The following RABGAP1L variants were observed in gnomAD, a reference collection of about 807,000 sequenced individuals.
RABGAP1L encodes RAB GTPase activating protein 1 like.
A neutral mutation model predicts 137.7 loss-of-function variants in RABGAP1L; 63 were observed. The observed-to-expected ratio is 0.46, with a 90% CI of 0.37 to 0.56. RABGAP1L has a LOEUF of 0.56. Ranked by LOEUF, RABGAP1L falls within the 20% of genes least tolerant of loss-of-function variation. The pLI is 0.00. For synonymous variants in RABGAP1L, 431 were observed against 433.7 expected (o/e 0.99, Z 0.08); for missense variants, 1,095 against 1,244.0 (o/e 0.88, Z 1.80).
At chr1:174,533,228 C>T (rs576964051) in intron 13 of RABGAP1L, among the ~76,000 whole-genome samples, 29 of 152,260 alleles carry the variant, frequency 1.9e-4, no homozygotes, top group Non-Finnish European at 3.4e-4. Context: ...AGTGAGACTC[C>T]GTCTCAAAAA....
At position 174,527,210 on chromosome 1, in the gene RABGAP1L, T is replaced by A. The variant is rs997181134; in HGVS notation, c.1711-110165T>A. Among the ~76,000 whole-genome samples the A allele has an allele frequency of 8.7e-4, 131 of 150,544 alleles. 1 individual carries two copies. Among genetic ancestry groups the A allele is most frequent in the African/African-American group, 3.1e-3 (129 of 41,182 alleles). On this transcript the variant is annotated intron_variant, in intron 13 of 25. Coordinates refer to ENST00000681986, the MANE Select transcript of RABGAP1L (RefSeq NM_001366446.1). The stretch of plus-strand genomic sequence containing the variant: ...AACATATGATTTTTATTTTGTTTTT[T>A]TTTTTTTTTTTGAGACAGAATCTCA...
In RABGAP1L at chr1:174,747,402, T is replaced by TAAA. The variant is rs35889834; in HGVS notation, c.2170-4889_2170-4887dup. ...GTGTGACAGAGTGAAATTCTATCTC[T>TAAA]AAAAAAAAAAAAAAAAAAAAAAAAC... On this transcript the variant is annotated intron_variant, in intron 17 of 25. Coordinates refer to ENST00000681986, the MANE Select transcript of RABGAP1L (RefSeq NM_001366446.1). Among the ~76,000 whole-genome samples the TAAA allele has an allele frequency of 2.4e-4, 20 of 81,928 alleles. No homozygotes were observed. In the East Asian group the frequency reaches 4.3e-3, roughly 17 times the overall value. The allele number at this position is 81,928 out of a possible 152,430, so 53.7% of individuals were successfully genotyped here.
intron 18 of RABGAP1L, among the ~76,000 whole-genome samples, chr1:174,756,003 A>T (rs1406072997): frequency 6.6e-6 from 1 of 152,250 alleles, no homozygotes; most frequent in Admixed American, 6.5e-5. Flanking sequence ...AAATGGGGGA[A>T]TATTAGTAAT....
At chr1:174,480,356 T>C (rs1175475467) in intron 13 of RABGAP1L, among the ~76,000 whole-genome samples, 1 of 152,214 alleles carries the variant, frequency 6.6e-6, no homozygotes, top group African/African-American at 2.4e-5. Flanking sequence ...TCTGCTTAAA[T>C]TTATTATCTC....
chr1:174,749,302 CT>C lies in RABGAP1L; in HGVS notation c.2170-3000del, dbSNP rs33999378. On this transcript the variant is annotated intron_variant, in intron 17 of 25. Coordinates refer to ENST00000681986, the MANE Select transcript of RABGAP1L (RefSeq NM_001366446.1). Reference sequence around the variant, plus strand: ...TCATAGGTGGATTCAAAAATGTTATCTTTTTTTTTTTCTGTTCTTTTCTTTC... The same window carrying C: ...TCATAGGTGGATTCAAAAATGTTATCTTTTTTTTTTCTGTTCTTTTCTTTC... 1.6e-3 allele frequency among the ~76,000 whole-genome samples: 240 copies of C among 147,212 alleles called. 1 individual carries two copies. Among genetic ancestry groups the C allele is most frequent in the African/African-American group, 4.7e-3 (191 of 40,430 alleles).
At chr1:174,758,495 T>C (rs1249569738) in intron 18 of RABGAP1L, among the ~76,000 whole-genome samples, 3 of 152,202 alleles carry the variant, frequency 2.0e-5, no homozygotes, top group African/African-American at 7.2e-5. Context: ...CTACTTTGTA[T>C]GCTTTTGCAT....
intron 13 of RABGAP1L, among the ~76,000 whole-genome samples, chr1:174,616,762 A>G (rs1282891114): frequency 2.6e-5 from 4 of 152,226 alleles, no homozygotes; most frequent in Non-Finnish European, 4.4e-5. Context: ...TTCAGTTTTA[A>G]ATGTGGAATG....
intron 13 of RABGAP1L, among the ~76,000 whole-genome samples, chr1:174,618,805 G>T (rs987195821): frequency 6.6e-6 from 1 of 152,126 alleles, no homozygotes; most frequent in African/African-American, 2.4e-5. Flanking sequence ...ACTTTGACGA[G>T]TTGAGAGAAG....
intron 13 of RABGAP1L, among the ~76,000 whole-genome samples, chr1:174,587,360 G>A (rs1341152773): frequency 6.6e-6 from 1 of 151,326 alleles, no homozygotes; most frequent in Non-Finnish European, 1.5e-5. Flanking sequence ...GAGTTAGTGG[G>A]TGCAGTGCAC....
At chr1:174,900,780 A>G (rs1046937347) in intron 19 of RABGAP1L, among the ~76,000 whole-genome samples, 13 of 152,058 alleles carry the variant, frequency 8.5e-5, no homozygotes, top group Non-Finnish European at 1.5e-4. Context: ...TTGGCCTCCC[A>G]AAGTGCTGGG....
At chr1:174,229,407 A>G (rs943909751) in intron 3 of RABGAP1L, among the ~76,000 whole-genome samples, 2 of 152,194 alleles carry the variant, frequency 1.3e-5, no homozygotes, top group African/African-American at 4.8e-5. Flanking sequence ...CTTGTTAACC[A>G]AAAAGTGGCA....
chr1:174,409,402 G>A (rs1241846348), intron 13 of RABGAP1L, among the ~76,000 whole-genome samples: 2 of 152,122 alleles, frequency 1.3e-5, no homozygotes, highest in Admixed American at 1.3e-4. Flanking sequence ...AGCTGAGGAT[G>A]TACATCACTT....
At chr1:174,777,922 G>A (rs968350662) in intron 18 of RABGAP1L, among the ~76,000 whole-genome samples, 3 of 152,188 alleles carry the variant, frequency 2.0e-5, no homozygotes, top group African/African-American at 4.8e-5. Context: ...AAGGCCTAAT[G>A]AATGTGTAAT....
chr1:174,865,241 C>T lies in RABGAP1L; in HGVS notation c.2340+53281C>T, dbSNP rs1316519293. 3.3e-5 allele frequency among the ~76,000 whole-genome samples: 5 copies of T among 152,202 alleles called. No homozygotes were observed. The South Asian group carries it at 8.3e-4, about 25-fold the overall frequency. Reference sequence around the variant, plus strand: ...CCTGTAATCCCAGCTACTTGGGAGGCTGAGGCAGGGGATTATTTGAACCCA... The same window carrying T: ...CCTGTAATCCCAGCTACTTGGGAGGTTGAGGCAGGGGATTATTTGAACCCA... On this transcript the variant is annotated intron_variant, in intron 19 of 25. Coordinates refer to ENST00000681986, the MANE Select transcript of RABGAP1L (RefSeq NM_001366446.1).
At chr1:174,376,775 T>C (rs1168758231) in intron 12 of RABGAP1L, among the ~76,000 whole-genome samples, 1 of 152,122 alleles carries the variant, frequency 6.6e-6, no homozygotes, top group African/African-American at 2.4e-5. Flanking sequence ...GAATGACAGA[T>C]CCCAAAACTG....
intron 20 of RABGAP1L, among the ~76,000 whole-genome samples, chr1:174,959,931 A>G (rs1381662923): frequency 6.6e-6 from 1 of 152,172 alleles, no homozygotes; most frequent in African/African-American, 2.4e-5. Context: ...ACATCTTCTA[A>G]ATTTAATCCT....
At chr1:174,227,367 AT>A (rs761462482) in intron 3 of RABGAP1L, among the ~76,000 whole-genome samples, 8,158 of 142,574 alleles carry the variant, frequency 0.057, 277 homozygotes, top group Middle Eastern at 0.12. Context: ...TGCCCAGCTA[AT>A]TTTTTTTTTT....
chr1:174,854,716 T>C (rs12738272), intron 19 of RABGAP1L, among the ~76,000 whole-genome samples: 1 of 8,316 alleles, frequency 1.2e-4, no homozygotes, highest in Admixed American at 1.5e-3. Flanking sequence ...ATATAAATGC[T>C]TTTTTTTTTT....
rs148817523 is a variant in RABGAP1L, at chr1:174,449,000, A to C, written c.1710+54855A>C. Reference sequence around the variant, plus strand: ...AAGCTCCCGGGTCTTGGACAATCCAACTCTGTCCTTCTTAACAACCTGGCT... The same window carrying C: ...AAGCTCCCGGGTCTTGGACAATCCACCTCTGTCCTTCTTAACAACCTGGCT... On this transcript the variant is annotated intron_variant, in intron 13 of 25. Coordinates refer to ENST00000681986, the MANE Select transcript of RABGAP1L (RefSeq NM_001366446.1). The surrounding 1 kb of genome is among the most constrained non-coding windows in gnomAD (Gnocchi z 4.2). 6.2e-7 allele frequency: 1 copy of C among 1,613,402 alleles called. No homozygotes were observed. The highest frequency in any genetic ancestry group is 1.7e-5 in the Admixed American group (1 of 59,990).
Sources: allele counts gnomAD v4.1 joint callset (sites outside exome capture counted in the v4.1 genomes callset), GRCh38; gene constraint gnomAD v4.1.1; non-coding constraint Gnocchi (gnomAD v3.1); transcripts MANE v1.5; gene names NCBI Gene and HGNC (gene_info 2026-07-23, HGNC 2026-07-21).